Variants in PCDHA7 observed in about 807,000 individuals in gnomAD.
The protein encoded by PCDHA7 is protocadherin alpha-7.
A neutral mutation model predicts 57.2 loss-of-function variants in PCDHA7; 37 were observed. That is an observed-to-expected ratio of 0.65 (90% CI 0.50 to 0.85). The LOEUF (loss-of-function observed/expected upper bound fraction) is 0.85. Among genes scored for constraint, PCDHA7 ranks in the 40% least tolerant of loss-of-function variants. The pLI, the probability that PCDHA7 is intolerant of heterozygous loss-of-function variation, is 0.00. For synonymous variants in PCDHA7, 553 were observed against 558.8 expected (o/e 0.99, Z 0.15); for missense variants, 1,188 against 1,241.8 (o/e 0.96, Z 0.65).
intron 1 of PCDHA7, among the ~76,000 whole-genome samples, chr5:140,871,905 G>A (rs1457249186): frequency 6.6e-6 from 1 of 152,124 alleles, no homozygotes; most frequent in Non-Finnish European, 1.5e-5. Flanking sequence ...GCAGAGTTTT[G>A]CCTTGATATT....
chr5:140,857,558 T>A (rs782138602), intron 1 of PCDHA7: 1 of 1,596,966 alleles, frequency 6.3e-7, no homozygotes, highest in Non-Finnish European at 8.6e-7. Flanking sequence ...GCGCTCGCTG[T>A]CGAGCTACGT....
chr5:140,960,612 G>C (rs1467595478), intron 1 of PCDHA7, among the ~76,000 whole-genome samples: 1 of 152,110 alleles, frequency 6.6e-6, no homozygotes, highest in Non-Finnish European at 1.5e-5. Context: ...ACAATATCTA[G>C]TGTGTTTTTG....
chr5:140,970,647 T>C lies in PCDHA7; in HGVS notation c.2356-8302T>C, dbSNP rs529255517. Among the ~76,000 whole-genome samples, 9 of 152,352 alleles carry C rather than the reference T, an allele frequency of 5.9e-5. No homozygotes were observed. The South Asian group carries it at 1.9e-3, about 32-fold the overall frequency. On this transcript the variant is annotated intron_variant, in intron 1 of 3. Coordinates refer to ENST00000525929, the MANE Select transcript of PCDHA7 (RefSeq NM_018910.3). ...CAAAATTTTGTACCATAAATAGTGA[T>C]GAATTGTTATCTTTCCAAATAACTA...
intron 1 of PCDHA7, chr5:140,867,940 ACTT>A (rs2050206930): frequency 6.6e-6 from 1 of 152,110 alleles, no homozygotes; most frequent in African/African-American, 2.4e-5. Flanking sequence ...TTTTCCATGA[ACTT>A]CTGCTCCCAA....
At chr5:140,945,628 A>G (rs898111170) in intron 1 of PCDHA7, among the ~76,000 whole-genome samples, 1 of 152,168 alleles carries the variant, frequency 6.6e-6, no homozygotes, top group Non-Finnish European at 1.5e-5. Flanking sequence ...TACTGGCATA[A>G]AAGACATGTA....
intron 1 of PCDHA7, chr5:140,870,827 C>T (rs782048793): frequency 8.1e-6 from 13 of 1,613,648 alleles, no homozygotes; most frequent in Non-Finnish European, 9.3e-6. Context: ...GCGGGAGGCG[C>T]AGTTAACAAG....
chr5:140,849,189 G>C, intron 1 of PCDHA7: 1 of 1,056,674 alleles, frequency 9.5e-7, no homozygotes, highest in Non-Finnish European at 1.3e-6. Context: ...ACTCATCACG[G>C]TACTGGACAA....
intron 1 of PCDHA7, among the ~76,000 whole-genome samples, chr5:140,890,258 A>G (rs2062565845): frequency 6.6e-6 from 1 of 152,030 alleles, no homozygotes; most frequent in East Asian, 1.9e-4. Flanking sequence ...ACTGCACCTG[A>G]TTGCAAGCAA....
chr5:140,897,636 C>A (rs2066236074), intron 1 of PCDHA7, among the ~76,000 whole-genome samples: 1 of 152,038 alleles, frequency 6.6e-6, no homozygotes, highest in African/African-American at 2.4e-5. Context: ...GTGTATAGTG[C>A]CACAATAAAC....
rs2042755048 is a variant in PCDHA7 at position 140,853,453 on chromosome 5, C to A, written c.2355+16715C>A. ...CTTTCCTATTTTGCCTAATAGGTCTCCTTATATGCATCTGTAGTTAACATT... is the reference window on the plus strand; with the variant it reads ...CTTTCCTATTTTGCCTAATAGGTCTACTTATATGCATCTGTAGTTAACATT... On this transcript the variant is annotated intron_variant, in intron 1 of 3. Coordinates refer to ENST00000525929, the MANE Select transcript of PCDHA7 (RefSeq NM_018910.3). 4 of 976,644 alleles carry A rather than the reference C, an allele frequency of 4.1e-6. 1 individual carries two copies. The Admixed American group carries it at 2.5e-4, about 62-fold the overall frequency. 60.5% of individuals were successfully genotyped at this position (976,644 alleles called of 1,614,324 possible). A position where few individuals can be genotyped will look rare whatever the true frequency, so the allele number is the denominator to read the frequency against.
At chr5:140,855,460 A>T (rs2150336256) in intron 1 of PCDHA7, among the ~76,000 whole-genome samples, 1 of 150,080 alleles carries the variant, frequency 6.7e-6, no homozygotes, top group African/African-American at 2.4e-5. Context: ...TAAACACCTC[A>T]CAGATAGTTG....
intron 1 of PCDHA7, among the ~76,000 whole-genome samples, chr5:140,889,720 T>G (rs1259294888): frequency 2.6e-5 from 4 of 152,240 alleles, no homozygotes; most frequent in African/African-American, 9.6e-5. Context: ...TCTTTGCTAC[T>G]GTCTCACTGA....
At chr5:140,976,597 G>A (rs1477005420) in intron 1 of PCDHA7, among the ~76,000 whole-genome samples, 1 of 152,062 alleles carries the variant, frequency 6.6e-6, no homozygotes, top group South Asian at 2.1e-4. Flanking sequence ...TTTGTGTTAA[G>A]GGGACCTAAA....
At chr5:140,895,235 C>T (rs1554186440) in intron 1 of PCDHA7, among the ~76,000 whole-genome samples, 2 of 152,236 alleles carry the variant, frequency 1.3e-5, no homozygotes, top group East Asian at 1.9e-4. Context: ...GTTTTCTCAT[C>T]TCTCTTTTCA....
At chr5:140,929,484 T>G (rs1445028927) in intron 1 of PCDHA7, 9 of 1,156,262 alleles carry the variant, frequency 7.8e-6, no homozygotes, top group Non-Finnish European at 1.0e-5. Flanking sequence ...AGTATAGAAG[T>G]ATTAGAAGAT....
intron 1 of PCDHA7, chr5:140,969,215 C>T: frequency 6.2e-7 from 1 of 1,614,128 alleles, no homozygotes; most frequent in East Asian, 2.2e-5. Flanking sequence ...CCAGACAGGA[C>T]CAGGGCCTTC....
intron 1 of PCDHA7, among the ~76,000 whole-genome samples, chr5:140,970,269 A>G (rs1410341195): frequency 6.6e-6 from 1 of 152,184 alleles, no homozygotes; most frequent in East Asian, 1.9e-4. Flanking sequence ...TTTTGATGAG[A>G]TGTAAAGTAG....
At chr5:140,996,622 G>C (rs2097735162) in intron 3 of PCDHA7, among the ~76,000 whole-genome samples, 1 of 152,156 alleles carries the variant, frequency 6.6e-6, no homozygotes, top group African/African-American at 2.4e-5. Context: ...AATTTCACTG[G>C]TTCCTGCAAA....
Position 140,835,992 on chromosome 5 carries a change from G to A in PCDHA7, c.1609G>A (p.Ala537Thr), listed in dbSNP as rs2150249786. 2.2e-5 allele frequency: 35 copies of A among 1,613,332 alleles called. No homozygotes were observed. The African/African-American group carries it at 4.4e-4, about 20-fold the overall frequency. ...GGAGCTGTTGCAGTTCCAGGTGAGC[G>A]CGCGCGATGCGGGCGTGCCGCCTCT... ...ELELLQFQVS[A>T]RDAGVPPLGS... is the part of the protein sequence containing the mutation. The change falls in exon 1 of 4, where the codon GCG becomes ACG. Residue 537 changes from alanine to threonine, a missense_variant. Around this residue, in one of 3 missense-constraint regions of PCDHA7, gnomAD observed 892 missense variants for 788.5 expected, o/e 1.13. Transcript: ENST00000525929.
Sources: gnomAD v4.1 joint callset for allele counts (sites outside exome capture counted in the v4.1 genomes callset) on GRCh38, gnomAD v4.1.1 for gene constraint, gnomAD v4.1.1 regional missense constraint, MANE v1.5 for transcripts, NCBI Gene and HGNC (gene_info 2026-07-23, HGNC 2026-07-21) for gene names.